The following PTPRK variants were observed in gnomAD, a reference collection of about 807,000 sequenced individuals.
PTPRK encodes receptor-type tyrosine-protein phosphatase kappa.
In PTPRK, 75 loss-of-function variants were observed where a neutral mutation model predicts 178.0. The observed-to-expected ratio is 0.42, with a 90% CI of 0.35 to 0.51. PTPRK has a LOEUF of 0.51. Among genes scored for constraint, PTPRK ranks in the 20% least tolerant of loss-of-function variants. The pLI, the probability that PTPRK is intolerant of heterozygous loss-of-function variation, is 0.02. For missense variants in PTPRK, 1,441 were observed against 1,797.8 expected, an observed-to-expected ratio of 0.80 and a Z score of 3.59; for synonymous variants, 637 against 620.6, an observed-to-expected ratio of 1.03 and a Z score of -0.39.
chr6:128,180,775 G>T (rs914619191), intron 7 of PTPRK, among the ~76,000 whole-genome samples: 1 of 152,042 alleles, frequency 6.6e-6, no homozygotes, highest in African/African-American at 2.4e-5. Flanking sequence ...TATTTTCTCA[G>T]AGAATAAGTT....
intron 3 of PTPRK, among the ~76,000 whole-genome samples, chr6:128,305,408 C>T (rs1474119795): frequency 6.6e-6 from 1 of 152,146 alleles, no homozygotes; most frequent in Admixed American, 6.5e-5. Flanking sequence ...AGTCTAGGTA[C>T]TTTCACTATG....
intron 13 of PTPRK, among the ~76,000 whole-genome samples, chr6:128,015,558 T>C (rs1201331211): frequency 6.6e-6 from 1 of 151,742 alleles, no homozygotes. Flanking sequence ...TGGATGAGTT[T>C]TCTAAAAGGT....
intron 2 of PTPRK, among the ~76,000 whole-genome samples, chr6:128,374,899 G>C (rs1401954401): frequency 6.6e-6 from 1 of 151,694 alleles, no homozygotes; most frequent in African/African-American, 2.4e-5. Flanking sequence ...AACCAAATTG[G>C]TCATCTTATT....
At chr6:128,354,551 T>C (rs1275468084) in intron 2 of PTPRK, among the ~76,000 whole-genome samples, 1 of 152,186 alleles carries the variant, frequency 6.6e-6, no homozygotes, top group Non-Finnish European at 1.5e-5. Flanking sequence ...ACATGTTTAA[T>C]GTTACGATAT....
chr6:127,992,743 C>A, intron 18 of PTPRK, 34 bp from the exon 19 acceptor site: 1 of 1,489,726 alleles, frequency 6.7e-7, no homozygotes, highest in Non-Finnish European at 9.1e-7. Context: ...TATCATTTTA[C>A]ATCAATATCA....
intron 1 of PTPRK, among the ~76,000 whole-genome samples, chr6:128,408,460 C>T (rs932350555): frequency 2.0e-5 from 3 of 152,018 alleles, no homozygotes; most frequent in East Asian, 1.9e-4. Flanking sequence ...CTTCACTATT[C>T]GAGTAAGGGC....
At chr6:128,160,174 T>C (rs993708013) in intron 7 of PTPRK, among the ~76,000 whole-genome samples, 1 of 151,704 alleles carries the variant, frequency 6.6e-6, no homozygotes, top group Non-Finnish European at 1.5e-5. Context: ...TATGTACTTA[T>C]GCAATCAAAA....
rs1316078650 is a variant in PTPRK, at chr6:128,232,168, C to T, written c.693+7867G>A. On this transcript the variant is annotated intron_variant, in intron 5 of 29. Transcript: ENST00000368226. ...CCTATCCCACGTCCCCACACATACA[C>T]ACGACGTGCTTTCTGCCTTCTGAAT... 3.3e-5 allele frequency: 5 copies of T among 152,288 alleles called. No individual in the cohort carries two copies. In the East Asian group the frequency reaches 9.6e-4, roughly 29 times the overall value. 9.4% of individuals were successfully genotyped at this position (152,288 alleles called of 1,614,324 possible).
At chr6:128,277,019 C>T (rs1293799684) in intron 3 of PTPRK, among the ~76,000 whole-genome samples, 1 of 151,898 alleles carries the variant, frequency 6.6e-6, no homozygotes. Flanking sequence ...GGAGCACTAG[C>T]TTAGAAAAGT....
chr6:128,010,081 G>C (rs1583628354), intron 13 of PTPRK, among the ~76,000 whole-genome samples: 2 of 151,164 alleles, frequency 1.3e-5, no homozygotes, highest in East Asian at 3.9e-4. Flanking sequence ...AATTGACAAG[G>C]AAAGTATTAT....
At chr6:128,067,375 C>T (rs998935699) in intron 12 of PTPRK, 144 bp downstream of exon 12, 17 of 855,572 alleles carry the variant, frequency 2.0e-5, no homozygotes, top group African/African-American at 1.0e-4. Flanking sequence ...CCCAAAACTG[C>T]GCACACTGTT....
chr6:128,347,869 C>A (rs1162961862), intron 2 of PTPRK, among the ~76,000 whole-genome samples: 2 of 152,016 alleles, frequency 1.3e-5, no homozygotes, highest in African/African-American at 4.8e-5. Flanking sequence ...AAAAGTGCAA[C>A]CATCATAATA....
chr6:128,430,732 G>T (rs1844731331), intron 1 of PTPRK, among the ~76,000 whole-genome samples: 1 of 152,078 alleles, frequency 6.6e-6, no homozygotes, highest in African/African-American at 2.4e-5. Flanking sequence ...CAAAAAACAA[G>T]CCACATTAGG....
chr6:128,015,882 C>T (rs2114741001), intron 13 of PTPRK, among the ~76,000 whole-genome samples: 1 of 151,790 alleles, frequency 6.6e-6, no homozygotes, highest in Non-Finnish European at 1.5e-5. Context: ...TATGCCAACC[C>T]CATTTAAATT....
At chr6:128,228,909 G>T (rs189314351) in intron 5 of PTPRK, among the ~76,000 whole-genome samples, 3 of 152,174 alleles carry the variant, frequency 2.0e-5, no homozygotes, top group Admixed American at 1.3e-4. Context: ...GAAAGAAAAT[G>T]AAGTAACATT....
At chr6:128,338,441 GAAGATCAAGGCTGGGAAA>G (rs1458992722) in intron 2 of PTPRK, among the ~76,000 whole-genome samples, 2 of 152,160 alleles carry the variant, frequency 1.3e-5, no homozygotes, top group Non-Finnish European at 2.9e-5. Context: ...TACACTGGAT[GAAGATCAAGGCTGGGAAA>G]AAGATGAGTT....
At chr6:128,445,559 GGAT>G (rs963932108) in intron 1 of PTPRK, among the ~76,000 whole-genome samples, 31 of 151,030 alleles carry the variant, frequency 2.1e-4, no homozygotes, top group Admixed American at 2.0e-3. Context: ...ATACATGAAA[GGAT>G]GAGAATAAAA....
intron 7 of PTPRK, among the ~76,000 whole-genome samples, chr6:128,129,759 GA>G (rs1171366331): frequency 6.6e-6 from 1 of 151,766 alleles, no homozygotes; most frequent in Non-Finnish European, 1.5e-5. Context: ...ATAGTATTTA[GA>G]AAAAAAATTA....
chr6:128,436,626 A>G (rs979272529), intron 1 of PTPRK, among the ~76,000 whole-genome samples: 1 of 152,110 alleles, frequency 6.6e-6, no homozygotes, highest in Non-Finnish European at 1.5e-5. Context: ...TGATATGCTG[A>G]GAACTTCACA....
Sources: gnomAD v4.1 joint callset for allele counts (sites outside exome capture counted in the v4.1 genomes callset) on GRCh38, gnomAD v4.1.1 for gene constraint, MANE v1.5 for transcripts, NCBI Gene and HGNC (gene_info 2026-07-23, HGNC 2026-07-21) for gene names.